Variants in CELF2 observed in about 807,000 individuals in gnomAD.
The protein encoded by CELF2 is CUG triplet repeat RNA-binding protein 2.
Under a neutral mutation model 62.6 loss-of-function variants are expected in CELF2, and 8 were observed. That is an observed-to-expected ratio of 0.13 (90% CI 0.07 to 0.23). The LOEUF is 0.23. CELF2 is among the 10% of genes least tolerant of loss of function. The pLI is 1.00. For synonymous variants in CELF2, 258 were observed against 250.0 expected (o/e 1.03, Z -0.30); for missense variants, 333 against 671.0 (o/e 0.50, Z 5.56).
At chr10:10,651,923 T>G in the CELF2 span, among the ~76,000 whole-genome samples, 1 of 150,980 alleles carries the variant, frequency 6.6e-6, no homozygotes, top group African/African-American at 2.4e-5. Context: ...CAAATTACTC[T>G]GAGCTACGGG....
the CELF2 span, among the ~76,000 whole-genome samples, chr10:10,469,099 A>T: frequency 6.6e-6 from 1 of 151,956 alleles, no homozygotes; most frequent in Admixed American, 6.6e-5. Context: ...TTAGTGTCTT[A>T]ATAAGTGAAA....
At chr10:11,187,308 T>G (rs1209212849) in intron 2 of CELF2, among the ~76,000 whole-genome samples, 1 of 152,202 alleles carries the variant, frequency 6.6e-6, no homozygotes, top group Non-Finnish European at 1.5e-5. Context: ...GGATTATCCT[T>G]TGATTTGAAA....
chr10:10,794,060 T>C (rs1405783981), upstream of CELF2, among the ~76,000 whole-genome samples: 1 of 152,222 alleles, frequency 6.6e-6, no homozygotes, highest in Non-Finnish European at 1.5e-5. Flanking sequence ...CTCTGAAATC[T>C]GATGCACACG....
At chr10:10,748,790 A>AGGTCAAT in the CELF2 span, among the ~76,000 whole-genome samples, 1 of 147,786 alleles carries the variant, frequency 6.8e-6, no homozygotes, top group South Asian at 2.2e-4. Flanking sequence ...TCTCTGAAAG[A>AGGTCAAT]GGTCAATGGC....
the CELF2 span, among the ~76,000 whole-genome samples, chr10:10,720,835 C>T: frequency 6.6e-6 from 1 of 152,074 alleles, no homozygotes; most frequent in Admixed American, 6.5e-5. Context: ...GCCGTTTTTG[C>T]CCTCTCCTTC....
intron 2 of CELF2, among the ~76,000 whole-genome samples, chr10:11,201,031 T>G (rs150807518): frequency 6.6e-6 from 1 of 152,346 alleles, no homozygotes; most frequent in African/African-American, 2.4e-5. Context: ...GTTTCAGTGC[T>G]TCAATGGCTT....
the CELF2 span, among the ~76,000 whole-genome samples, chr10:10,463,795 A>G: frequency 6.6e-6 from 1 of 152,162 alleles, no homozygotes; most frequent in South Asian, 2.1e-4. Flanking sequence ...CGTGTGAAAC[A>G]GCAAGGAATA....
intron 12 of CELF2, among the ~76,000 whole-genome samples, chr10:11,327,977 C>T (rs2095843801): frequency 6.6e-6 from 1 of 152,206 alleles, no homozygotes; most frequent in African/African-American, 2.4e-5. Flanking sequence ...GATCAGCACC[C>T]TTTACAGCCT....
At chr10:10,584,769 T>C in the CELF2 span, among the ~76,000 whole-genome samples, 1 of 152,178 alleles carries the variant, frequency 6.6e-6, no homozygotes, top group Non-Finnish European at 1.5e-5. Context: ...GTCTCTGCTG[T>C]CCAATGCAGT....
intron 11 of CELF2, among the ~76,000 whole-genome samples, chr10:11,323,331 A>G (rs2141052433): frequency 6.6e-6 from 1 of 151,560 alleles, no homozygotes; most frequent in African/African-American, 2.4e-5. Flanking sequence ...TCCCTTTCTC[A>G]CCCAGTTAAT....
chr10:11,005,303 G>A, upstream of CELF2: 1 of 1,599,492 alleles, frequency 6.3e-7, no homozygotes, highest in South Asian at 1.1e-5. The surrounding 1 kb of genome is among the most constrained non-coding windows in gnomAD (Gnocchi z 4.3). Flanking sequence ...AGGGAGGAGA[G>A]GGCGCGTTAG....
the CELF2 span, among the ~76,000 whole-genome samples, chr10:10,579,877 A>C: frequency 6.6e-6 from 1 of 152,086 alleles, no homozygotes; most frequent in Non-Finnish European, 1.5e-5. Flanking sequence ...ACACACTCCC[A>C]CACTCCCAAA....
the CELF2 span, among the ~76,000 whole-genome samples, chr10:10,715,582 C>T: frequency 6.6e-6 from 1 of 152,112 alleles, no homozygotes; most frequent in African/African-American, 2.4e-5. Context: ...GTTCAAATAA[C>T]ACAGATAGAA....
At chr10:10,840,058 A>G (rs2058577678) in intron 1 of CELF2, among the ~76,000 whole-genome samples, 1 of 152,146 alleles carries the variant, frequency 6.6e-6, no homozygotes, top group Non-Finnish European at 1.5e-5. Flanking sequence ...CTATCACTGA[A>G]TAGTGTTCCT....
chr10:10,468,603 G>A, the CELF2 span, among the ~76,000 whole-genome samples: 3 of 151,892 alleles, frequency 2.0e-5, no homozygotes, highest in South Asian at 2.1e-4. Context: ...TGAACCATTC[G>A]AGATGTCTAT....
Position 11,321,665 on chromosome 10 carries a change from C to T in CELF2, c.1294+279C>T, listed in dbSNP as rs2095444213. Among the ~76,000 whole-genome samples, 1 of 152,182 alleles carries T rather than the reference C, an allele frequency of 6.6e-6. No individual in the cohort carries two copies. The highest frequency in any genetic ancestry group is 2.4e-5 in the African/African-American group (1 of 41,430). On this transcript the variant is annotated intron_variant, in intron 11 of 12. Transcript: ENST00000633077. This position sits in a 1 kb window ranked among gnomAD's most constrained non-coding sequence, Gnocchi z 6.2. ...ATGCCTGTGACTAGCCACTGCACTC[C>T]ATTCGGGGAACACAGACATACCCCT...
At chr10:10,760,654 A>G in the CELF2 span, among the ~76,000 whole-genome samples, 1 of 152,182 alleles carries the variant, frequency 6.6e-6, no homozygotes, top group East Asian at 1.9e-4. Flanking sequence ...CTAAGCAGGG[A>G]ACTCGGGAAG....
At chr10:11,101,843 A>G (rs546831121) in intron 1 of CELF2, among the ~76,000 whole-genome samples, 50 of 152,356 alleles carry the variant, frequency 3.3e-4, no homozygotes, top group African/African-American at 1.1e-3. Context: ...ATATGGAATT[A>G]TAATGATCTG....
At chr10:10,884,157 T>G (rs1293807496) in intron 1 of CELF2, among the ~76,000 whole-genome samples, 1 of 152,146 alleles carries the variant, frequency 6.6e-6, no homozygotes, top group Non-Finnish European at 1.5e-5. Flanking sequence ...CACCACGAAA[T>G]AAAAACAGCC....
Sources: allele counts gnomAD v4.1 joint callset (sites outside exome capture counted in the v4.1 genomes callset), GRCh38; gene constraint gnomAD v4.1.1; non-coding constraint Gnocchi (gnomAD v3.1); transcripts MANE v1.5; gene names NCBI Gene and HGNC (gene_info 2026-07-23, HGNC 2026-07-21).